The following F13B variants were observed in gnomAD, a reference collection of about 807,000 sequenced individuals.
The protein encoded by F13B is TGase.
F13B carries 58 observed loss-of-function variants against 79.8 expected under a neutral mutation model. That is an observed-to-expected ratio of 0.73 (90% CI 0.59 to 0.90). The LOEUF (loss-of-function observed/expected upper bound fraction) is 0.90. Ranked by LOEUF, F13B falls within the 40% of genes least tolerant of loss-of-function variation. F13B has a pLI of 0.00. For synonymous variants in F13B, 283 were observed against 260.3 expected, an observed-to-expected ratio of 1.09 and a Z score of -0.84; for missense variants, 773 against 777.0, an observed-to-expected ratio of 0.99 and a Z score of 0.06.
rs766703959 is a variant in F13B, at chr1:197,039,383, T to G, written c.1981A>C (p.Thr661Pro). The G allele has an allele frequency of 2.5e-6, 4 of 1,610,514 alleles. No homozygotes were observed. Among genetic ancestry groups the G allele is most frequent in the Non-Finnish European group, 3.4e-6 (4 of 1,177,512 alleles). ...CCTCTTTCTGCCATTCATTTCTATGTTCTTAAGGGTTCTTGATAAGACAGA... is the reference window on the plus strand; with the variant it reads ...CCTCTTTCTGCCATTCATTTCTATGGTCTTAAGGGTTCTTGATAAGACAGA... ...STLSYQEPLR[T>P] The change falls in exon 12 of 12, where the codon ACA becomes CCA. Residue 661 changes from threonine (T) to proline (P), a missense_variant. Coordinates refer to ENST00000367412, the MANE Select transcript of F13B (RefSeq NM_001994.3).
Position 197,050,755 on chromosome 1 carries a change from T to C in F13B, c.1680A>G (p.Glu560=). 1 of 1,613,326 alleles carries C rather than the reference T, an allele frequency of 6.2e-7. No homozygotes were observed. The highest frequency in any genetic ancestry group is 8.5e-7 in the Non-Finnish European group (1 of 1,179,556). The change falls in exon 10 of 12, where the codon GAA becomes GAG. Residue 560 remains glutamate (E), a synonymous_variant. Coordinates refer to ENST00000367412, the MANE Select transcript of F13B (RefSeq NM_001994.3). The part of the protein sequence containing the change: ...EYRCFDHHFL[E]GSREAYCLDG... Reference sequence around the variant, plus strand: ...CTAAACAATAGGCCTCCCTAGATCCTTCTAGGAAATGGTGATCAAAACATC... The same window carrying C: ...CTAAACAATAGGCCTCCCTAGATCCCTCTAGGAAATGGTGATCAAAACATC...
rs140246678 is a variant in F13B at position 197,061,906 on chromosome 1, A to AT, written c.328dup (p.Ile110AsnfsTer21). The AT allele has an allele frequency of 1.2e-6, 2 of 1,612,980 alleles. No individual in the cohort carries two copies. The highest frequency in any genetic ancestry group is 2.2e-5 in the South Asian group (2 of 91,060). On this transcript the variant is annotated frameshift_variant, in exon 3 of 12. Coordinates refer to ENST00000367412, the MANE Select transcript of F13B (RefSeq NM_001994.3). LOFTEE classifies it high-confidence loss of function. ...GCAACCATAACGCATGTTCTCTTGA[A>AT]TTTTATACAATAACTTTACATCAGA...
At chr1:197,059,907 C>T (rs1317980010) in intron 5 of F13B, among the ~76,000 whole-genome samples, 2 of 152,020 alleles carry the variant, frequency 1.3e-5, no homozygotes, top group African/African-American at 4.8e-5. Flanking sequence ...ACAAGATGAC[C>T]TCTTTTCCCA....
chr1:197,052,809 G>A lies in F13B; in HGVS notation c.1380C>T (p.Tyr460=). 6.2e-7 allele frequency: 1 copy of A among 1,609,450 alleles called. No individual in the cohort carries two copies. Among genetic ancestry groups the A allele is most frequent in the South Asian group, 1.1e-5 (1 of 90,884 alleles). Residue 460 remains tyrosine, a synonymous_variant, in exon 9 of 12, where the codon TAC becomes TAT. Coordinates refer to ENST00000367412, the MANE Select transcript of F13B (RefSeq NM_001994.3). The part of the protein sequence containing the change: ...CLEPCTVNVD[Y]MNRNNIEMKW... Reference sequence around the variant, plus strand: ...TCATTTCTATGTTATTTCTGTTCATGTAATCCACATTAACAGTACATGGTT... The same window carrying A: ...TCATTTCTATGTTATTTCTGTTCATATAATCCACATTAACAGTACATGGTT...
intron 1 of F13B, among the ~76,000 whole-genome samples, chr1:197,065,709 A>G (rs2125076723): frequency 6.6e-6 from 1 of 152,304 alleles, no homozygotes; most frequent in East Asian, 1.9e-4. Flanking sequence ...CAGAAAGATA[A>G]GTTGGTTATA....
At chr1:197,065,556 G>A (rs1473420339) in intron 1 of F13B, among the ~76,000 whole-genome samples, 2 of 152,080 alleles carry the variant, frequency 1.3e-5, no homozygotes, top group East Asian at 3.9e-4. Context: ...GAATGATGAG[G>A]AGCAACAATT....
chr1:197,039,246 G>T lies in F13B; in HGVS notation c.*132C>A. The stretch of plus-strand genomic sequence containing the variant: ...TCATTTATAAATAACGAAATGTTCA[G>T]CACAAATAATTTAGATTCAAATATT... On this transcript the variant is annotated 3_prime_UTR_variant, in exon 12 of 12. Transcript: ENST00000367412. 1.3e-6 allele frequency: 1 copy of T among 750,212 alleles called. No homozygotes were observed. Among genetic ancestry groups the T allele is most frequent in the Non-Finnish European group, 2.3e-6 (1 of 439,172 alleles). 46.5% of individuals were successfully genotyped at this position (750,212 alleles called of 1,614,324 possible).
In F13B at chr1:197,052,662, T is replaced by G. The variant is rs1655490009; in HGVS notation, c.1527A>C (p.Glu509Asp). 1 of 1,611,290 alleles carries G rather than the reference T, an allele frequency of 6.2e-7. No individual in the cohort carries two copies. The highest frequency in any genetic ancestry group is 1.3e-5 in the African/African-American group (1 of 74,838). The change falls in exon 9 of 12, where the codon GAA becomes GAC. Residue 509 changes from glutamate to aspartate, a missense_variant. Transcript: ENST00000367412. ...SELSVQCNRGEVKYPLCTRKE... is the reference protein window; with the variant it reads ...SELSVQCNRGDVKYPLCTRKE... Reference sequence around the variant, plus strand: ...TTCTAGTACATAAAGGATATTTCACTTCTCCTCTGTTGCACTGCACAGATA... The same window carrying G: ...TTCTAGTACATAAAGGATATTTCACGTCTCCTCTGTTGCACTGCACAGATA...
chr1:197,057,700 C>T (rs1038987297), intron 5 of F13B, among the ~76,000 whole-genome samples: 9 of 152,058 alleles, frequency 5.9e-5, no homozygotes, highest in South Asian at 2.1e-4. Flanking sequence ...TGGATTAGTA[C>T]GTGATTATGC....
At chr1:197,062,764 G>C in intron 2 of F13B, 93 bp downstream of exon 2, 1 of 1,244,306 alleles carries the variant, frequency 8.0e-7, no homozygotes, top group Non-Finnish European at 1.2e-6. Flanking sequence ...CTACTAAAAG[G>C]TTTAACCGCT....
chr1:197,057,589 C>T, intron 5 of F13B, 124 bp from the exon 6 acceptor site: 1 of 1,029,450 alleles, frequency 9.7e-7, no homozygotes, highest in Non-Finnish European at 1.4e-6. Flanking sequence ...AGGAGCATTC[C>T]TTTGATCCTC....
chr1:197,055,877 G>T lies in F13B; in HGVS notation c.1192C>A (p.His398Asn). Residue 398 changes from histidine to asparagine, a missense_variant, in exon 8 of 12, where the codon CAT (histidine) becomes AAT (asparagine). Physicochemically the swap from His to Asn is moderately conservative, Grantham distance 68. Transcript: ENST00000367412. ...ECVENNENCK[H>N]PPVVMNGAVA... The stretch of plus-strand genomic sequence containing the variant: ...GCCCCATTCATTACAACAGGAGGAT[G>T]CTTACAATTCTCATTATTTTCTAAG... 3 of 1,613,270 alleles carry T rather than the reference G, an allele frequency of 1.9e-6. No homozygotes were observed. Among genetic ancestry groups the T allele is most frequent in the Non-Finnish European group, 2.5e-6 (3 of 1,179,582 alleles).
At chr1:197,060,757 A>G in intron 4 of F13B, 142 bp downstream of exon 4, 1 of 805,130 alleles carries the variant, frequency 1.2e-6, no homozygotes, top group Non-Finnish European at 2.0e-6. Context: ...TTAATTATCA[A>G]AGACTGCTAT....
intron 8 of F13B, among the ~76,000 whole-genome samples, chr1:197,055,375 G>A (rs1223320152): frequency 3.3e-5 from 5 of 151,820 alleles, no homozygotes; most frequent in Admixed American, 1.3e-4. Context: ...ACATTCTGAG[G>A]GCAATACAAG....
Position 197,039,421 on chromosome 1 carries a change from A to G in F13B, c.1953-10T>C. 6.2e-7 allele frequency: 1 copy of G among 1,607,800 alleles called. No homozygotes were observed. The highest frequency in any genetic ancestry group is 8.5e-7 in the Non-Finnish European group (1 of 1,176,210). ...TTGATAAGACAGAGTGCTTGAGGGG[A>G]AAAAGAGAGATTTTTGAAATAAGCA... On this transcript the variant is annotated splice_polypyrimidine_tract_variant and intron_variant, in intron 11 of 11. Transcript: ENST00000367412.
intron 10 of F13B, among the ~76,000 whole-genome samples, chr1:197,042,482 C>A (rs1655069971): frequency 6.6e-6 from 1 of 151,720 alleles, no homozygotes; most frequent in Non-Finnish European, 1.5e-5. Context: ...GGAACTTAGT[C>A]AAGGAAGTAA....
At chr1:197,063,501 A>G (rs1248670828) in intron 1 of F13B, among the ~76,000 whole-genome samples, 1 of 151,984 alleles carries the variant, frequency 6.6e-6, no homozygotes. Context: ...TATTTTTTGT[A>G]GAGATGAGGG....
At chr1:197,059,195 G>A (rs917316860) in intron 5 of F13B, among the ~76,000 whole-genome samples, 9 of 152,160 alleles carry the variant, frequency 5.9e-5, no homozygotes, top group East Asian at 1.9e-4. Context: ...TAGCTTAGGC[G>A]ACACAGCAGG....
intron 2 of F13B, 77 bp from the exon 3 acceptor site, chr1:197,062,046 G>A: frequency 1.6e-6 from 2 of 1,267,256 alleles, no homozygotes; most frequent in South Asian, 1.3e-5. Flanking sequence ...TAAGCCAAAA[G>A]TATAATGTTA....
Sources: gnomAD v4.1 joint callset for allele counts (sites outside exome capture counted in the v4.1 genomes callset) on GRCh38, gnomAD v4.1.1 for gene constraint, MANE v1.5 for transcripts, NCBI Gene and HGNC (gene_info 2026-07-23, HGNC 2026-07-21) for gene names.